Variants in PVT1 observed in about 807,000 individuals in gnomAD.
PVT1 encodes the protein Pvt1 oncogene.
At chr8:127,910,150 G>A (rs890303476) in intron 3 of PVT1, among the ~76,000 whole-genome samples, 2 of 152,168 alleles carry the variant, frequency 1.3e-5, no homozygotes, top group Non-Finnish European at 2.9e-5. Flanking sequence ...AGAGCAATTA[G>A]CGGGGTGCCT....
At chr8:127,992,333 C>T (rs1255465782) in intron 4 of PVT1, among the ~76,000 whole-genome samples, 1 of 152,196 alleles carries the variant, frequency 6.6e-6, no homozygotes, top group African/African-American at 2.4e-5. Context: ...TGTAGTTAGC[C>T]AAGATTGTGC....
At chr8:128,001,928 C>A (rs1387106615) in intron 4 of PVT1, among the ~76,000 whole-genome samples, 1 of 152,226 alleles carries the variant, frequency 6.6e-6, no homozygotes, top group Non-Finnish European at 1.5e-5. Flanking sequence ...CTCCCAAAGC[C>A]CCTACCTCCA....
chr8:127,979,359 G>A (rs1180794617), intron 3 of PVT1, among the ~76,000 whole-genome samples: 1 of 152,220 alleles, frequency 6.6e-6, no homozygotes, highest in Non-Finnish European at 1.5e-5. Flanking sequence ...TTGTCAGCAA[G>A]GTGTTCCCAC....
chr8:127,990,274 T>A (rs1466200340), intron 4 of PVT1, among the ~76,000 whole-genome samples: 2 of 152,176 alleles, frequency 1.3e-5, no homozygotes, highest in East Asian at 3.8e-4. Flanking sequence ...TGGGTTGAAA[T>A]GTCCCTTGCC....
At chr8:127,927,269 C>T (rs1025982328) in intron 3 of PVT1, among the ~76,000 whole-genome samples, 1 of 152,242 alleles carries the variant, frequency 6.6e-6, no homozygotes, top group Non-Finnish European at 1.5e-5. Context: ...GGGACACCCT[C>T]TCCACACAGG....
At chr8:127,847,984 A>G (rs544120095) in intron 2 of PVT1, among the ~76,000 whole-genome samples, 13 of 152,200 alleles carry the variant, frequency 8.5e-5, no homozygotes, top group Admixed American at 7.9e-4. Flanking sequence ...GCTTGCTGCA[A>G]CCTCAGACTA....
intron 2 of PVT1, among the ~76,000 whole-genome samples, chr8:127,844,413 T>C (rs1815007874): frequency 6.6e-6 from 1 of 152,230 alleles, no homozygotes; most frequent in Non-Finnish European, 1.5e-5. Flanking sequence ...ACACAGTTTG[T>C]TGTCCTTCTG....
chr8:127,796,958 A>G (rs181844417), intron 2 of PVT1, among the ~76,000 whole-genome samples: 1 of 146,630 alleles, frequency 6.8e-6, no homozygotes, highest in African/African-American at 2.5e-5. Flanking sequence ...AGCTCACTGC[A>G]ACTTCCGCCT....
intron 4 of PVT1, among the ~76,000 whole-genome samples, chr8:128,023,794 G>A (rs185227180): frequency 1.3e-5 from 2 of 152,230 alleles, no homozygotes; most frequent in East Asian, 1.9e-4. Context: ...ATTGATCTAC[G>A]GAGTAATTTG....
intron 4 of PVT1, among the ~76,000 whole-genome samples, chr8:128,051,178 A>G (rs1007955548): frequency 6.6e-6 from 1 of 152,212 alleles, no homozygotes; most frequent in Admixed American, 6.5e-5. Flanking sequence ...CTGGAGTTGT[A>G]AGGATGCATA....
chr8:127,890,138 G>T (rs2129802399), intron 2 of PVT1, among the ~76,000 whole-genome samples: 1 of 152,300 alleles, frequency 6.6e-6, no homozygotes, highest in East Asian at 1.9e-4. Flanking sequence ...TTTTGTGGTT[G>T]TCTTTAAAAA....
At chr8:127,881,607 C>T (rs1815468498) in intron 2 of PVT1, among the ~76,000 whole-genome samples, 1 of 151,786 alleles carries the variant, frequency 6.6e-6, no homozygotes, top group Non-Finnish European at 1.5e-5. Context: ...CAGGTGCCCG[C>T]CACCACACTC....
At chr8:127,999,979 C>T (rs1281168092) in intron 4 of PVT1, among the ~76,000 whole-genome samples, 2 of 152,206 alleles carry the variant, frequency 1.3e-5, no homozygotes, top group Non-Finnish European at 2.9e-5. Flanking sequence ...TAGATGTTTG[C>T]AAACCGGGAC....
intron 3 of PVT1, among the ~76,000 whole-genome samples, chr8:127,934,231 G>A (rs1297478058): frequency 2.0e-5 from 3 of 152,178 alleles, no homozygotes; most frequent in African/African-American, 7.2e-5. Context: ...TCTTTTTGGG[G>A]GAAGGATGCT....
At chr8:127,935,033 G>T (rs115088067) in intron 3 of PVT1, among the ~76,000 whole-genome samples, 1 of 151,892 alleles carries the variant, frequency 6.6e-6, no homozygotes, top group Non-Finnish European at 1.5e-5. Flanking sequence ...GTGTAATGGC[G>T]CTATCTCACA....
At chr8:127,956,184 C>T (rs1816566735) in intron 3 of PVT1, among the ~76,000 whole-genome samples, 2 of 152,368 alleles carry the variant, frequency 1.3e-5, no homozygotes, top group South Asian at 4.1e-4. Flanking sequence ...GGCCCCAGCA[C>T]TCAGCTGTTC....
chr8:127,853,103 T>G (rs922403151), intron 2 of PVT1, among the ~76,000 whole-genome samples: 3 of 152,174 alleles, frequency 2.0e-5, no homozygotes, highest in Admixed American at 1.3e-4. Context: ...TTGAAGTACA[T>G]GGTAGAAGGA....
chr8:127,953,015 T>C lies in PVT1; in HGVS notation n.783-36147T>C, dbSNP rs368752175. Among the ~76,000 whole-genome samples, 1,070 of 152,206 alleles carry C rather than the reference T, an allele frequency of 7.0e-3. 13 individuals carry two copies. The highest frequency in any genetic ancestry group is 0.024 in the African/African-American group (999 of 41,520). Reference sequence around the variant, plus strand: ...TCCTGCCCTCGTGATCCGCCCGCCTTGGCCTCCGAAAGTGCTGGGATTACA... The same window carrying C: ...TCCTGCCCTCGTGATCCGCCCGCCTCGGCCTCCGAAAGTGCTGGGATTACA... On this transcript the variant is annotated intron_variant and non_coding_transcript_variant, in intron 3 of 10. Coordinates refer to ENST00000651587, the Ensembl canonical transcript of PVT1.
At chr8:127,986,791 T>G (rs1456599432) in intron 3 of PVT1, among the ~76,000 whole-genome samples, 1 of 152,236 alleles carries the variant, frequency 6.6e-6, no homozygotes, top group East Asian at 1.9e-4. Context: ...TTAGAAATTT[T>G]AATTTCCTTA....
Sources: gnomAD v4.1 joint callset for allele counts (sites outside exome capture counted in the v4.1 genomes callset) on GRCh38, gnomAD v4.1.1 for gene constraint, MANE v1.5 for transcripts, NCBI Gene and HGNC (gene_info 2026-07-23, HGNC 2026-07-21) for gene names.